MLLT3: variants seen among roughly 807,000 people sequenced by gnomAD.
MLLT3 encodes MLLT3 super elongation complex subunit.
A neutral mutation model predicts 53.2 loss-of-function variants in MLLT3; 4 were observed. The ratio of observed to expected loss-of-function variants is 0.08; its 90% CI spans 0.04 to 0.17. MLLT3 has a LOEUF of 0.17. Ranked by LOEUF, MLLT3 falls within the 10% of genes least tolerant of loss-of-function variation. The pLI, the probability that MLLT3 is intolerant of heterozygous loss-of-function variation, is 1.00. For missense variants in MLLT3, 569 were observed against 684.0 expected, an observed-to-expected ratio of 0.83 and a Z score of 1.87; for synonymous variants, 283 against 230.6, an observed-to-expected ratio of 1.23 and a Z score of -2.06.
chr9:20,521,445 G>A (rs775140387), intron 2 of MLLT3, among the ~76,000 whole-genome samples: 2 of 132,370 alleles, frequency 1.5e-5, no homozygotes, highest in East Asian at 2.2e-4. Context: ...ACTCTCTCTC[G>A]CTGTGTGTGT....
intron 2 of MLLT3, among the ~76,000 whole-genome samples, chr9:20,518,138 G>C (rs1817962612): frequency 6.6e-6 from 1 of 152,094 alleles, no homozygotes; most frequent in Non-Finnish European, 1.5e-5. Context: ...CTGAGGTCAG[G>C]AGTTCGCAAC....
chr9:20,447,759 A>C (rs569224831), intron 4 of MLLT3, among the ~76,000 whole-genome samples: 2 of 152,276 alleles, frequency 1.3e-5, no homozygotes, highest in African/African-American at 4.8e-5. Flanking sequence ...TTTTAATGTG[A>C]CTTGCAACTT....
intron 2 of MLLT3, among the ~76,000 whole-genome samples, chr9:20,557,568 A>G (rs1437699607): frequency 6.6e-6 from 1 of 152,208 alleles, no homozygotes; most frequent in Non-Finnish European, 1.5e-5. Context: ...ACACTAGCCC[A>G]CATCTTTATA....
intron 5 of MLLT3, among the ~76,000 whole-genome samples, chr9:20,384,520 G>A (rs1339149040): frequency 6.6e-6 from 1 of 152,054 alleles, no homozygotes; most frequent in African/African-American, 2.4e-5. Context: ...AATTGTCAAT[G>A]TTAATGTTAT....
rs572088463 is a variant in MLLT3 at position 20,343,553 on chromosome 9, C to T, written c.*2890G>A. ...AAACCCACCAACACACATCCTGCTGCAAAACCAGAGGCAAAAGCTAAGTTA... is the reference window on the plus strand; with the variant it reads ...AAACCCACCAACACACATCCTGCTGTAAAACCAGAGGCAAAAGCTAAGTTA... On this transcript the variant is annotated 3_prime_UTR_variant, in exon 11 of 11. Coordinates refer to ENST00000380338, the MANE Select transcript of MLLT3 (RefSeq NM_004529.4). 1.7e-5 allele frequency: 4 copies of T among 229,436 alleles called. No individual in the cohort carries two copies. In the East Asian group the frequency reaches 2.5e-4, roughly 14 times the overall value. 14.2% of individuals were successfully genotyped at this position (229,436 alleles called of 1,614,324 possible).
intron 2 of MLLT3, among the ~76,000 whole-genome samples, chr9:20,464,898 G>C (rs930669841): frequency 6.6e-6 from 1 of 151,870 alleles, no homozygotes; most frequent in African/African-American, 2.4e-5. Flanking sequence ...CACAGGTCTG[G>C]CTCTTATAAT....
intron 5 of MLLT3, among the ~76,000 whole-genome samples, chr9:20,393,894 TATATA>T (rs1822253740): frequency 6.6e-6 from 1 of 152,180 alleles, no homozygotes; most frequent in African/African-American, 2.4e-5. Flanking sequence ...TTTTTAAACA[TATATA>T]ATAAATTGGT....
intron 5 of MLLT3, among the ~76,000 whole-genome samples, chr9:20,388,232 A>G (rs1290018676): frequency 6.6e-6 from 1 of 152,258 alleles, no homozygotes; most frequent in Non-Finnish European, 1.5e-5. Context: ...GCTAAAAAGT[A>G]AAATCAAAGG....
At position 20,607,253 on chromosome 9, in the gene MLLT3, T is replaced by C. The variant is rs115681465; in HGVS notation, c.193+13401A>G. Among the ~76,000 whole-genome samples the C allele has an allele frequency of 3.9e-3, 593 of 152,284 alleles. 6 individuals carry two copies. The highest frequency in any genetic ancestry group is 0.014 in the African/African-American group (571 of 41,574). Reference sequence around the variant, plus strand: ...AAGTTTTAAAACAATTACTTAATTTTAAAACTATTATTTTATTTTTGCAGT... The same window carrying C: ...AAGTTTTAAAACAATTACTTAATTTCAAAACTATTATTTTATTTTTGCAGT... On this transcript the variant is annotated intron_variant, in intron 2 of 10. Transcript: ENST00000380338.
chr9:20,606,684 A>G (rs1820579567), intron 2 of MLLT3, among the ~76,000 whole-genome samples: 1 of 152,068 alleles, frequency 6.6e-6, no homozygotes, highest in African/African-American at 2.4e-5. Context: ...CTTTAGAGAA[A>G]ACTTTAAGTC....
chr9:20,520,154 C>A (rs1818022444), intron 2 of MLLT3, among the ~76,000 whole-genome samples: 1 of 152,058 alleles, frequency 6.6e-6, no homozygotes, highest in African/African-American at 2.4e-5. Flanking sequence ...ATGATGAGAA[C>A]ACATGGACAC....
At chr9:20,529,041 G>A (rs1030844945) in intron 2 of MLLT3, among the ~76,000 whole-genome samples, 1 of 152,188 alleles carries the variant, frequency 6.6e-6, no homozygotes, top group Non-Finnish European at 1.5e-5. Context: ...ATGTCTATTA[G>A]TAGTGAGAGC....
intron 2 of MLLT3, among the ~76,000 whole-genome samples, chr9:20,457,322 C>T (rs1292238705): frequency 7.1e-6 from 1 of 141,452 alleles, no homozygotes; most frequent in African/African-American, 2.6e-5. Flanking sequence ...GATCTTGGCT[C>T]ACCACAACCT....
At chr9:20,608,870 C>CA (rs1239197273) in intron 2 of MLLT3, among the ~76,000 whole-genome samples, 2 of 151,910 alleles carry the variant, frequency 1.3e-5, no homozygotes, top group Non-Finnish European at 2.9e-5. Flanking sequence ...CCTGATATCC[C>CA]ACGTCCCAGA....
intron 2 of MLLT3, among the ~76,000 whole-genome samples, chr9:20,509,553 A>AT (rs1402903502): frequency 6.6e-6 from 1 of 152,180 alleles, no homozygotes; most frequent in Non-Finnish European, 1.5e-5. Flanking sequence ...CTAAGCATTA[A>AT]TATCTACAAC....
Position 20,537,384 on chromosome 9 carries a change from T to C in MLLT3, c.194-80598A>G, listed in dbSNP as rs913344929. On this transcript the variant is annotated intron_variant, in intron 2 of 10. Transcript: ENST00000380338. Reference sequence around the variant, plus strand: ...TACAGAAAATGATGTATTCTTTTTGTACAAGAAAATATATTTTAGATAGGC... The same window carrying C: ...TACAGAAAATGATGTATTCTTTTTGCACAAGAAAATATATTTTAGATAGGC... 2.9e-4 allele frequency among the ~76,000 whole-genome samples: 44 copies of C among 152,208 alleles called. 1 individual carries two copies. Among genetic ancestry groups the C allele is most frequent in the Non-Finnish European group, 1.6e-4 (11 of 68,030 alleles).
At chr9:20,370,458 C>T (rs1821570232) in intron 5 of MLLT3, among the ~76,000 whole-genome samples, 1 of 151,894 alleles carries the variant, frequency 6.6e-6, no homozygotes, top group African/African-American at 2.4e-5. Context: ...TGAAATTAGG[C>T]CAATTAATAA....
intron 7 of MLLT3, 44 bp downstream of exon 7, chr9:20,363,432 T>C: frequency 1.2e-6 from 2 of 1,608,738 alleles, no homozygotes; most frequent in Non-Finnish European, 1.7e-6. Flanking sequence ...TGTGAAAGAG[T>C]CTGACTTCAT....
intron 5 of MLLT3, among the ~76,000 whole-genome samples, chr9:20,372,941 G>A (rs775825888): frequency 2.0e-5 from 3 of 151,958 alleles, no homozygotes; most frequent in South Asian, 4.1e-4. Flanking sequence ...ATATGCACTG[G>A]GAAACCAAAA....
Sources: gnomAD v4.1 joint callset for allele counts (sites outside exome capture counted in the v4.1 genomes callset) on GRCh38, gnomAD v4.1.1 for gene constraint, MANE v1.5 for transcripts, NCBI Gene and HGNC (gene_info 2026-07-23, HGNC 2026-07-21) for gene names.